The following TTN variants were observed in gnomAD, a reference collection of about 807,000 sequenced individuals.
The protein encoded by TTN is connectin.
In TTN, 1,525 loss-of-function variants were observed where a neutral mutation model predicts 3,223.0. That is an observed-to-expected ratio of 0.47 (90% CI 0.45 to 0.49). The LOEUF (loss-of-function observed/expected upper bound fraction) is 0.49, where lower values mean the gene tolerates loss of function less well. Ranked by LOEUF, TTN falls within the 20% of genes least tolerant of loss-of-function variation. The probability of loss-of-function intolerance (pLI) is 0.00; values close to 1 mark genes in which losing one functional copy is unlikely to be tolerated. For missense variants in TTN, 40,786 were observed against 43,424.0 expected (o/e 0.94, Z 5.40); for synonymous variants, 14,094 against 15,161.0 (o/e 0.93, Z 5.17).
chr2:178,785,486 G>T, intron 15 of TTN, 134 bp downstream of exon 15: 2 of 1,335,092 alleles, frequency 1.5e-6, no homozygotes, highest in Non-Finnish European at 2.1e-6. Context: ...TGGGCCCACT[G>T]TGAATGCAAA....
chr2:178,799,774 T>C (rs1462835921), intron 5 of TTN, 43 bp from the exon 6 acceptor site: 1 of 1,614,164 alleles, frequency 6.2e-7, no homozygotes, highest in South Asian at 1.1e-5. Context: ...GAGGAATAGC[T>C]GGGGACGCAA....
At position 178,724,242 on chromosome 2, in the gene TTN, G is replaced by A; in HGVS notation, c.21115+18C>T. 2 of 1,601,006 alleles carry A rather than the reference G, an allele frequency of 1.2e-6. No individual in the cohort carries two copies. Among genetic ancestry groups the A allele is most frequent in the Non-Finnish European group, 1.7e-6 (2 of 1,173,802 alleles). Reference sequence around the variant, plus strand: ...AAGGAATTTGCATAAGCAACCAGAAGAAAACAGCAGAACTAACCTGAAACA... The same window carrying A: ...AAGGAATTTGCATAAGCAACCAGAAAAAAACAGCAGAACTAACCTGAAACA... On this transcript the variant is annotated intron_variant, in intron 72 of 362. Transcript: ENST00000589042.
At position 178,615,446 on chromosome 2, in the gene TTN, G is replaced by C. The variant is rs1312425985; in HGVS notation, c.48499C>G (p.Arg16167Gly). Residue 16167 changes from arginine (R) to glycine (G), a missense_variant, in exon 259 of 363, where the codon CGA becomes GGA. Arg to Gly is a moderately radical substitution (Grantham distance 125). Transcript: ENST00000589042. The part of the protein sequence containing the change: ...DPPENVKWRD[R>G]TANSIFLTWD... ...GTTAAGAAGATGCTATTGGCTGTTC[G>C]ATCTCTCCATTTAACATTCTCTGGT... 5 of 1,612,258 alleles carry C rather than the reference G, an allele frequency of 3.1e-6. No individual in the cohort carries two copies. The highest frequency in any genetic ancestry group is 4.2e-6 in the Non-Finnish European group (5 of 1,178,870).
chr2:178,566,599 G>A lies in TTN; in HGVS notation c.79533C>T (p.Pro26511=). ...KNSITLAWGK[P]IYDGGSEILG... is the part of the protein sequence containing the mutation. The stretch of plus-strand genomic sequence containing the variant: ...AGATCTCACTGCCGCCATCATAGAT[G>A]GGTTTACCCCAGGCAAGTGTGATTG... Residue 26511 remains proline, a synonymous_variant, in exon 326 of 363, where the codon CCC becomes CCT. Coordinates refer to ENST00000589042, the MANE Select transcript of TTN (RefSeq NM_001267550.2). The A allele has an allele frequency of 3.1e-6, 5 of 1,612,528 alleles. No individual in the cohort carries two copies. The highest frequency in any genetic ancestry group is 4.2e-6 in the Non-Finnish European group (5 of 1,179,662).
chr2:178,617,039 T>G, intron 255 of TTN, 26 bp from the exon 256 acceptor site: 1 of 1,611,802 alleles, frequency 6.2e-7, no homozygotes, highest in Non-Finnish European at 8.5e-7. Flanking sequence ...GTTAATGAGT[T>G]TGCAGTGCCA....
At chr2:178,593,544 A>C (rs749164991) in intron 298 of TTN, 24 bp downstream of exon 298, 6 of 1,603,036 alleles carry the variant, frequency 3.7e-6, no homozygotes, top group Non-Finnish European at 3.4e-6. Context: ...GCATTGAATC[A>C]CTAAAAAGAA....
Position 178,592,659 on chromosome 2 carries a change from T to A in TTN, c.59346A>T (p.Glu19782Asp). The change falls in exon 301 of 363, where the codon GAA becomes GAT. Residue 19782 changes from glutamate to aspartate, a missense_variant and splice_region_variant. Glu to Asp is a conservative substitution (Grantham distance 45, BLOSUM62 2). Transcript: ENST00000589042. ...PEPVLVKDRL[E>D]PPELILDANM... The stretch of plus-strand genomic sequence containing the variant: ...TGGCATCAAGAATCAACTCAGGGGG[T>A]TCTAGAATAAAGAGAACAGAACACT... 1 of 1,612,506 alleles carries A rather than the reference T, an allele frequency of 6.2e-7. No homozygotes were observed. Among genetic ancestry groups the A allele is most frequent in the African/African-American group, 1.3e-5 (1 of 74,862 alleles).
intron 213 of TTN, among the ~76,000 whole-genome samples, chr2:178,647,731 A>G (rs1039502065): frequency 6.6e-6 from 1 of 152,136 alleles, no homozygotes; most frequent in Non-Finnish European, 1.5e-5. Flanking sequence ...TTTCTGAGTA[A>G]TTGTTCCTGC....
At chr2:178,710,200 C>G (rs1178532661) in intron 98 of TTN, among the ~76,000 whole-genome samples, 1 of 152,192 alleles carries the variant, frequency 6.6e-6, no homozygotes, top group Non-Finnish European at 1.5e-5. Flanking sequence ...AATCCCAGCA[C>G]TTTGGGAGGC....
Position 178,527,427 on chromosome 2 carries a change from C to T in TTN, c.107680+19G>A, listed in dbSNP as rs771282051. On this transcript the variant is annotated intron_variant, in intron 362 of 362. Coordinates refer to ENST00000589042, the MANE Select transcript of TTN (RefSeq NM_001267550.2). ...TGTTACTTGGCTTGTCTACCTCTAC[C>T]AGTAATTTTATTGCTCACCTCTTAT... 2.4e-5 allele frequency: 38 copies of T among 1,605,706 alleles called. No homozygotes were observed. The highest frequency in any genetic ancestry group is 3.1e-5 in the Non-Finnish European group (36 of 1,174,118).
At chr2:178,749,346 C>CAAG (rs1233720403) in intron 47 of TTN, 64 of 1,612,762 alleles carry the variant, frequency 4.0e-5, no homozygotes, top group Non-Finnish European at 5.3e-5. Flanking sequence ...ATGAATTCAG[C>CAAG]CCTGATGGGC....
At chr2:178,678,580 G>T (rs895814694) in intron 143 of TTN, 83 bp from the exon 144 acceptor site, 6 of 1,230,774 alleles carry the variant, frequency 4.9e-6, no homozygotes, top group Non-Finnish European at 6.7e-6. Flanking sequence ...TTAAGATAAG[G>T]TAATAAAAGT....
chr2:178,660,812 G>T (rs2064596645), intron 180 of TTN, among the ~76,000 whole-genome samples: 1 of 150,436 alleles, frequency 6.6e-6, no homozygotes, highest in Non-Finnish European at 1.5e-5. Context: ...AATCTACAAT[G>T]AACTCAAACA....
rs727504922 is a variant in TTN, at chr2:178,645,911, A to AT, written c.40408+8dup. On this transcript the variant is annotated intron_variant, in intron 217 of 362. Coordinates refer to ENST00000589042, the MANE Select transcript of TTN (RefSeq NM_001267550.2). ...AGGCTAATAAAACTTTGGAAGTGGC[A>AT]TTTTTTACCTTTAAGTTGGAATATT... 25 of 1,531,242 alleles carry AT rather than the reference A, an allele frequency of 1.6e-5. 1 individual carries two copies. The South Asian group carries it at 2.7e-4, about 16-fold the overall frequency. 94.9% of individuals were successfully genotyped at this position (1,531,242 alleles called of 1,614,324 possible).
Position 178,561,474 on chromosome 2 carries a change from C to G in TTN, c.84658G>C (p.Asp28220His), listed in dbSNP as rs538385596. ...ADTQMKVSGL[D>H]EGLMYEYRVY... Reference sequence around the variant, plus strand: ...CGATACTCATACATCAGTCCTTCATCAAGGCCGGAGACTTTCATTTGAGTA... The same window carrying G: ...CGATACTCATACATCAGTCCTTCATGAAGGCCGGAGACTTTCATTTGAGTA... The change falls in exon 326 of 363, where the codon GAT becomes CAT. Residue 28220 changes from aspartate (D) to histidine (H), a missense_variant. By Grantham distance (81) the Asp-to-His change is moderately conservative. Coordinates refer to ENST00000589042, the MANE Select transcript of TTN (RefSeq NM_001267550.2). 3 of 1,613,668 alleles carry G rather than the reference C, an allele frequency of 1.9e-6. No individual in the cohort carries two copies. The highest frequency in any genetic ancestry group is 2.5e-6 in the Non-Finnish European group (3 of 1,179,780).
chr2:178,678,605 C>T, intron 143 of TTN, 108 bp from the exon 144 acceptor site: 1 of 1,135,248 alleles, frequency 8.8e-7, no homozygotes, highest in Non-Finnish European at 1.2e-6. Flanking sequence ...CAAAGGTATT[C>T]CAAGAAGCAT....
At chr2:178,797,636 T>C (rs907819509) in intron 6 of TTN, among the ~76,000 whole-genome samples, 1 of 152,176 alleles carries the variant, frequency 6.6e-6, no homozygotes, top group Admixed American at 6.5e-5. Context: ...TTATATACTG[T>C]TTCTAGGCTG....
At chr2:178,630,614 C>A (rs1377274368) in intron 238 of TTN, among the ~76,000 whole-genome samples, 190 bp downstream of exon 238, 2 of 152,040 alleles carry the variant, frequency 1.3e-5, no homozygotes, top group Non-Finnish European at 2.9e-5. Context: ...ACTCACTCTG[C>A]TGGATCAAAA....
Position 178,593,606 on chromosome 2 carries a change from G to T in TTN, c.58694C>A (p.Pro19565His). Reference sequence around the variant, plus strand: ...GGCTTTCATTGAATCAGACACCAGAGGATCACTTATTCCATACAGATTTTC... The same window carrying T: ...GGCTTTCATTGAATCAGACACCAGATGATCACTTATTCCATACAGATTTTC... ...HAENLYGISDPLVSDSMKAKD... is the reference protein window; with the variant it reads ...HAENLYGISDHLVSDSMKAKD... Residue 19565 changes from proline (P) to histidine (H), a missense_variant, in exon 298 of 363, where the codon CCT becomes CAT. Pro to His is a moderately conservative substitution (Grantham distance 77). Transcript: ENST00000589042. The T allele has an allele frequency of 1.2e-6, 2 of 1,612,728 alleles. No homozygotes were observed. The highest frequency in any genetic ancestry group is 1.7e-6 in the Non-Finnish European group (2 of 1,179,448).
Sources: gnomAD v4.1 joint callset for allele counts (sites outside exome capture counted in the v4.1 genomes callset) on GRCh38, gnomAD v4.1.1 for gene constraint, MANE v1.5 for transcripts, NCBI Gene and HGNC (gene_info 2026-07-23, HGNC 2026-07-21) for gene names.